SMARCC1: variants seen among roughly 807,000 people sequenced by gnomAD.
SMARCC1 encodes SWI/SNF complex subunit SMARCC1.
SMARCC1 carries 43 observed loss-of-function variants against 147.4 expected under a neutral mutation model. The ratio of observed to expected loss-of-function variants is 0.29; its 90% CI spans 0.23 to 0.38. SMARCC1 has a LOEUF of 0.38. Ranked by LOEUF, SMARCC1 falls within the 10% of genes least tolerant of loss-of-function variation. The pLI, the probability that SMARCC1 is intolerant of heterozygous loss-of-function variation, is 1.00. For missense variants in SMARCC1, 1,119 were observed against 1,381.1 expected (o/e 0.81, Z 3.01); for synonymous variants, 495 against 484.4 (o/e 1.02, Z -0.29).
At chr3:47,590,153 G>GT (rs2032152548) in intron 27 of SMARCC1, among the ~76,000 whole-genome samples, 1 of 152,176 alleles carries the variant, frequency 6.6e-6, no homozygotes, top group South Asian at 2.1e-4. Context: ...CTGGAACTTC[G>GT]TATTTCCTCT....
intron 10 of SMARCC1, among the ~76,000 whole-genome samples, chr3:47,704,741 A>T (rs1014356165): frequency 6.6e-6 from 1 of 151,864 alleles, no homozygotes; most frequent in Non-Finnish European, 1.5e-5. Context: ...ACAAGACAAG[A>T]CACTATCTCT....
chr3:47,641,032 C>A (rs773078702), intron 21 of SMARCC1, among the ~76,000 whole-genome samples: 19 of 152,176 alleles, frequency 1.2e-4, no homozygotes, highest in Non-Finnish European at 2.9e-5. Flanking sequence ...GGTTCCTGAT[C>A]TCCAGAAGGC....
chr3:47,722,319 CAG>C (rs1247333388), intron 6 of SMARCC1, among the ~76,000 whole-genome samples: 2 of 90,362 alleles, frequency 2.2e-5, no homozygotes, highest in African/African-American at 7.8e-5. Context: ...TTTTTTGAGA[CAG>C]AGTTTCACTC....
At chr3:47,688,247 C>T (rs530319186) in intron 13 of SMARCC1, among the ~76,000 whole-genome samples, 2 of 150,712 alleles carry the variant, frequency 1.3e-5, no homozygotes, top group Admixed American at 6.6e-5. Flanking sequence ...GCAACAAGAG[C>T]GAAACTCCAT....
At position 47,676,636 on chromosome 3, in the gene SMARCC1, G is replaced by A; in HGVS notation, c.1718C>T (p.Ser573Leu). ...PSGLVPLHLRSPQVPAAQQML... is the reference protein window; with the variant it reads ...PSGLVPLHLRLPQVPAAQQML... ...AAGTCAACATTAATTTACCTGAGGTGATCGAAGATGCAGAGGCACAAGCCC... is the reference window on the plus strand; with the variant it reads ...AAGTCAACATTAATTTACCTGAGGTAATCGAAGATGCAGAGGCACAAGCCC... The change falls in exon 17 of 28, where the codon TCA (serine) becomes TTA (leucine). Residue 573 changes from serine to leucine, a missense_variant. Ser to Leu is a moderately radical substitution (Grantham distance 145). This residue lies in a region of SMARCC1 where 178 missense variants were observed against 264.6 expected (regional missense o/e 0.67). Transcript: ENST00000254480. The A allele has an allele frequency of 6.2e-7, 1 of 1,613,648 alleles. No homozygotes were observed. Among genetic ancestry groups the A allele is most frequent in the Non-Finnish European group, 8.5e-7 (1 of 1,179,678 alleles).
chr3:47,710,729 C>G lies in SMARCC1; in HGVS notation c.872G>C (p.Arg291Thr). 6.2e-7 allele frequency: 1 copy of G among 1,613,702 alleles called. No homozygotes were observed. Among genetic ancestry groups the G allele is most frequent in the Non-Finnish European group, 8.5e-7 (1 of 1,179,768 alleles). ...CCGCTGACGAAAACTCACAGGCTTC[C>G]TATTTTCATCCACCTCATAATCCTC... is the stretch of plus-strand genomic sequence containing the variant. ...NEEDYEVDEN[R>T]KPVSFRQRIS... The change falls in exon 9 of 28, where the codon AGG becomes ACG. Residue 291 changes from arginine to threonine, a missense_variant. Physicochemically the swap from Arg to Thr is moderately conservative, Grantham distance 71. Transcript: ENST00000254480.
chr3:47,720,274 C>A (rs1231359044), intron 7 of SMARCC1, among the ~76,000 whole-genome samples: 3 of 151,864 alleles, frequency 2.0e-5, no homozygotes, highest in Non-Finnish European at 4.4e-5. Flanking sequence ...CAGGCACCTG[C>A]CACCACGTCT....
At chr3:47,670,983 T>C (rs2033488337) in intron 18 of SMARCC1, among the ~76,000 whole-genome samples, 1 of 151,600 alleles carries the variant, frequency 6.6e-6, no homozygotes. Context: ...TCAGGAGTTC[T>C]AGACAAGCCT....
intron 13 of SMARCC1, 83 bp from the exon 14 acceptor site, chr3:47,686,253 G>A: frequency 3.6e-6 from 4 of 1,124,166 alleles, no homozygotes; most frequent in Non-Finnish European, 5.0e-6. Context: ...TCAGTTGTTA[G>A]GTTAAATAAA....
chr3:47,741,020 A>T (rs2034503797), intron 3 of SMARCC1, among the ~76,000 whole-genome samples: 1 of 152,166 alleles, frequency 6.6e-6, no homozygotes, highest in African/African-American at 2.4e-5. Context: ...ATAAAACATT[A>T]TCTATGATTA....
At chr3:47,734,706 A>C (rs968008997) in intron 5 of SMARCC1, among the ~76,000 whole-genome samples, 61 of 152,214 alleles carry the variant, frequency 4.0e-4, no homozygotes, top group South Asian at 8.3e-4. Flanking sequence ...CAGAAGAAGA[A>C]GGCTAAGATG....
intron 19 of SMARCC1, among the ~76,000 whole-genome samples, chr3:47,666,137 C>T (rs2033417401): frequency 6.6e-6 from 1 of 152,132 alleles, no homozygotes; most frequent in African/African-American, 2.4e-5. Context: ...CTACTCTTCA[C>T]GTTTCAACAA....
chr3:47,626,988 T>C (rs2032820088), intron 24 of SMARCC1, among the ~76,000 whole-genome samples: 1 of 152,224 alleles, frequency 6.6e-6, no homozygotes, highest in South Asian at 2.1e-4. Context: ...TTAATACTAC[T>C]AAATGACTCA....
At chr3:47,610,377 G>A (rs1458266872) in intron 25 of SMARCC1, 50 bp from the exon 26 acceptor site, 3 of 1,606,042 alleles carry the variant, frequency 1.9e-6, no homozygotes, top group Admixed American at 1.7e-5. Context: ...AGGCTTTCAG[G>A]ATTGGATAAC....
In SMARCC1 at chr3:47,777,604, T is replaced by TA. The variant is rs1372194163; in HGVS notation, c.195+3998dup. On this transcript the variant is annotated intron_variant, in intron 1 of 27. Transcript: ENST00000254480. ...GTGCAATGGCCCGATCTCAGCTCAC[T>TA]ACAACCTCCACCTCCCAGGTTTGAG... 5.3e-5 allele frequency among the ~76,000 whole-genome samples: 8 copies of TA among 152,068 alleles called. No homozygotes were observed. In the East Asian group the frequency reaches 1.6e-3, roughly 30 times the overall value.
At chr3:47,617,444 A>AGCC (rs1488786917) in intron 25 of SMARCC1, among the ~76,000 whole-genome samples, 3 of 152,274 alleles carry the variant, frequency 2.0e-5, no homozygotes, top group African/African-American at 7.2e-5. Context: ...ATGCTCACAA[A>AGCC]GCCAACAATG....
chr3:47,594,629 CA>C lies in SMARCC1; in HGVS notation c.3044-3793del, dbSNP rs57645977. Among the ~76,000 whole-genome samples the C allele has an allele frequency of 4.2e-3, 640 of 151,414 alleles. 7 individuals are homozygous for C. The highest frequency in any genetic ancestry group is 0.015 in the African/African-American group (617 of 41,284). On this transcript the variant is annotated intron_variant, in intron 26 of 27. Coordinates refer to ENST00000254480, the MANE Select transcript of SMARCC1 (RefSeq NM_003074.4). ...AGGAAAAACTATGGAAGGAGCAAGC[CA>C]AAAAAAATGAAGACTTTCCAGCTGA...
Position 47,629,252 on chromosome 3 carries a change from T to C in SMARCC1, c.2646+5938A>G, listed in dbSNP as rs547528395. ...AATTATAGTATCAGCATTCAAGAAGTTGTAAATAGGAACCACTCCTAAAGA... is the reference window on the plus strand; with the variant it reads ...AATTATAGTATCAGCATTCAAGAAGCTGTAAATAGGAACCACTCCTAAAGA... On this transcript the variant is annotated intron_variant, in intron 24 of 27. Coordinates refer to ENST00000254480, the MANE Select transcript of SMARCC1 (RefSeq NM_003074.4). 6.2e-4 allele frequency among the ~76,000 whole-genome samples: 95 copies of C among 152,288 alleles called. 4 individuals carry two copies. Among genetic ancestry groups the C allele is most frequent in the Non-Finnish European group, 3.4e-4 (23 of 68,008 alleles).
intron 25 of SMARCC1, among the ~76,000 whole-genome samples, chr3:47,620,214 C>T (rs1372988725): frequency 6.6e-6 from 1 of 151,914 alleles, no homozygotes; most frequent in Non-Finnish European, 1.5e-5. Flanking sequence ...TGTAATCCTA[C>T]CACTTTGGGA....
Sources: gnomAD v4.1 joint callset for allele counts (sites outside exome capture counted in the v4.1 genomes callset) on GRCh38, gnomAD v4.1.1 for gene constraint, gnomAD v4.1.1 regional missense constraint, MANE v1.5 for transcripts, NCBI Gene and HGNC (gene_info 2026-07-23, HGNC 2026-07-21) for gene names.